The following LRFN5 variants were observed in gnomAD, a reference collection of about 807,000 sequenced individuals.
LRFN5 encodes the protein leucine rich repeat and fibronectin type III domain containing 5.
A neutral mutation model predicts 45.6 loss-of-function variants in LRFN5; 24 were observed. That is an observed-to-expected ratio of 0.53 (90% CI 0.38 to 0.74). The LOEUF (loss-of-function observed/expected upper bound fraction) is 0.74, where lower values mean the gene tolerates loss of function less well. LRFN5 is among the 30% of genes least tolerant of loss of function. The pLI, the probability that LRFN5 is intolerant of heterozygous loss-of-function variation, is 0.00. For synonymous variants in LRFN5, 340 were observed against 313.8 expected, an observed-to-expected ratio of 1.08 and a Z score of -0.88; for missense variants, 776 against 861.5, an observed-to-expected ratio of 0.90 and a Z score of 1.24.
intron 1 of LRFN5, among the ~76,000 whole-genome samples, chr14:41,639,303 G>C (rs766861680): frequency 6.6e-6 from 1 of 151,984 alleles, no homozygotes; most frequent in Non-Finnish European, 1.5e-5. Flanking sequence ...CTCTAATTTA[G>C]AAGTCACATA....
intron 1 of LRFN5, among the ~76,000 whole-genome samples, chr14:41,663,767 A>G (rs942681189): frequency 6.6e-6 from 1 of 152,020 alleles, no homozygotes; most frequent in African/African-American, 2.4e-5. Context: ...ACAAAGGGGA[A>G]CACATATTTA....
chr14:41,759,361 C>G (rs1488348506), intron 1 of LRFN5, among the ~76,000 whole-genome samples: 1 of 151,772 alleles, frequency 6.6e-6, no homozygotes. Context: ...TTTCCCAGGA[C>G]TTACAGTCTC....
intron 2 of LRFN5, among the ~76,000 whole-genome samples, chr14:41,801,524 A>C (rs1351203918): frequency 3.3e-5 from 5 of 152,182 alleles, no homozygotes; most frequent in African/African-American, 1.2e-4. Flanking sequence ...CCATTGACAG[A>C]TAAGTTACTC....
intron 2 of LRFN5, among the ~76,000 whole-genome samples, chr14:41,880,240 A>G (rs1181016236): frequency 6.6e-6 from 1 of 151,730 alleles, no homozygotes; most frequent in Non-Finnish European, 1.5e-5. Context: ...AATCTTTTCT[A>G]AAAAACAGCT....
intron 2 of LRFN5, among the ~76,000 whole-genome samples, chr14:41,851,890 G>T (rs1489378095): frequency 6.6e-6 from 1 of 151,524 alleles, no homozygotes; most frequent in African/African-American, 2.4e-5. Flanking sequence ...CAGAAATTAG[G>T]CCGTTTTATT....
intron 1 of LRFN5, among the ~76,000 whole-genome samples, chr14:41,734,316 T>TTATATATATATATGTATATA (rs1555358692): frequency 1.5e-4 from 6 of 38,798 alleles, no homozygotes; most frequent in Non-Finnish European, 3.4e-4. Flanking sequence ...TGGACTGGTT[T>TTATATATATATATGTATATA]TATATATATA....
chr14:41,670,941 GACTT>G (rs1881178617), intron 1 of LRFN5, among the ~76,000 whole-genome samples: 1 of 151,850 alleles, frequency 6.6e-6, no homozygotes, highest in South Asian at 2.1e-4. Flanking sequence ...ACCTTGAACT[GACTT>G]TTCTTTGAGG....
At chr14:41,764,218 T>A (rs982119250) in intron 1 of LRFN5, among the ~76,000 whole-genome samples, 5 of 151,982 alleles carry the variant, frequency 3.3e-5, no homozygotes, top group African/African-American at 4.8e-5. Context: ...TTTCATAGAG[T>A]GAGATAGCCC....
chr14:41,721,350 G>A (rs1883705091), intron 1 of LRFN5, among the ~76,000 whole-genome samples: 1 of 152,036 alleles, frequency 6.6e-6, no homozygotes, highest in Admixed American at 6.6e-5. Context: ...CTGTTAAATG[G>A]GGCATTTAGA....
In LRFN5 at chr14:41,856,675, A is replaced by ATTATTTTTTTTTT; in HGVS notation, c.-20-29929_-20-29928insATTTTTTTTTTTT. Among the ~76,000 whole-genome samples the ATTATTTTTTTTTT allele has an allele frequency of 9.9e-3, 182 of 18,306 alleles. 9 individuals are homozygous for ATTATTTTTTTTTT. Among genetic ancestry groups the ATTATTTTTTTTTT allele is most frequent in the Non-Finnish European group, 0.017 (136 of 7,796 alleles). 12.0% of individuals were successfully genotyped at this position (18,306 alleles called of 152,430 possible). A position where few individuals can be genotyped will look rare whatever the true frequency, so the allele number is the denominator to read the frequency against. ...TTCTTTCCTAATTATTATTATTATT[A>ATTATTTTTTTTTT]TTTTTTTTTTTTTTTTTTTGAGACG... is the stretch of plus-strand genomic sequence containing the variant. On this transcript the variant is annotated intron_variant, in intron 2 of 5. Transcript: ENST00000298119.
chr14:41,788,931 A>T (rs768381016), intron 2 of LRFN5, among the ~76,000 whole-genome samples: 11 of 152,044 alleles, frequency 7.2e-5, no homozygotes, highest in Non-Finnish European at 1.3e-4. Context: ...GTCTGTTCCA[A>T]CTAAGAACTT....
intron 2 of LRFN5, among the ~76,000 whole-genome samples, chr14:41,880,445 A>G (rs1233120922): frequency 6.6e-6 from 1 of 152,044 alleles, no homozygotes; most frequent in Non-Finnish European, 1.5e-5. Context: ...CACCATAACA[A>G]TTCAAATACA....
chr14:41,758,809 C>G (rs927966368), intron 1 of LRFN5, among the ~76,000 whole-genome samples: 1 of 152,140 alleles, frequency 6.6e-6, no homozygotes, highest in Admixed American at 6.5e-5. Flanking sequence ...ACCTCTCTAT[C>G]GAAATAATTT....
intron 1 of LRFN5, among the ~76,000 whole-genome samples, chr14:41,751,301 T>C (rs914237851): frequency 2.6e-5 from 4 of 152,264 alleles, no homozygotes; most frequent in African/African-American, 7.2e-5. Context: ...AATAGCACTA[T>C]GGTAAAATTC....
rs775151142 is a variant in LRFN5 at position 41,887,054 on chromosome 14, T to G, written c.429T>G (p.Phe143Leu). The change falls in exon 3 of 6, where the codon TTT (phenylalanine) becomes TTG (leucine). Residue 143 changes from phenylalanine (F) to leucine (L), a missense_variant. Physicochemically the swap from Phe to Leu is conservative, Grantham distance 22. Around this residue, in one of 2 missense-constraint regions of LRFN5, gnomAD observed 311 missense variants for 405.1 expected, o/e 0.77. Coordinates refer to ENST00000298119, the MANE Select transcript of LRFN5 (RefSeq NM_152447.5). The surrounding 1 kb of genome is among the most constrained non-coding windows in gnomAD (Gnocchi z 4.8). ...NQLTLISSTA[F>L]DDVFALEELD... Reference sequence around the variant, plus strand: ...TGACTTTAATTTCCTCTACAGCGTTTGATGATGTCTTCGCCCTTGAGGAGC... The same window carrying G: ...TGACTTTAATTTCCTCTACAGCGTTGGATGATGTCTTCGCCCTTGAGGAGC... The G allele has an allele frequency of 1.9e-6, 3 of 1,614,144 alleles. No homozygotes were observed. Among genetic ancestry groups the G allele is most frequent in the African/African-American group, 1.3e-5 (1 of 75,062 alleles).
chr14:41,640,169 G>A (rs915922114), intron 1 of LRFN5, among the ~76,000 whole-genome samples: 8 of 151,834 alleles, frequency 5.3e-5, no homozygotes, highest in Non-Finnish European at 1.0e-4. Context: ...GAAAATATCA[G>A]AGGTGGAAAC....
intron 1 of LRFN5, among the ~76,000 whole-genome samples, chr14:41,705,764 G>C (rs1240182254): frequency 1.3e-5 from 2 of 152,088 alleles, no homozygotes; most frequent in Admixed American, 1.3e-4. Context: ...CACATTTATA[G>C]TAAACGATCT....
chr14:41,696,032 A>G (rs1350492109), intron 1 of LRFN5, among the ~76,000 whole-genome samples: 1 of 151,974 alleles, frequency 6.6e-6, no homozygotes, highest in East Asian at 1.9e-4. Flanking sequence ...GGAGGCCAAA[A>G]TATAACTTTG....
intron 1 of LRFN5, chr14:41,731,651 C>T (rs1377244837): frequency 1.3e-5 from 2 of 152,136 alleles, no homozygotes; most frequent in Non-Finnish European, 2.9e-5. Context: ...CTATGGAAAT[C>T]ATCCCCTAAC....
Sources: allele counts gnomAD v4.1 joint callset (sites outside exome capture counted in the v4.1 genomes callset), GRCh38; gene constraint gnomAD v4.1.1; regional missense constraint gnomAD v4.1.1; non-coding constraint Gnocchi (gnomAD v3.1); transcripts MANE v1.5; gene names NCBI Gene and HGNC (gene_info 2026-07-23, HGNC 2026-07-21).